The following SLC22A14 variants were observed in gnomAD, a reference collection of about 807,000 sequenced individuals.
SLC22A14 encodes the protein organic cation transporter-like 4.
A neutral mutation model predicts 53.9 loss-of-function variants in SLC22A14; 50 were observed. The ratio of observed to expected loss-of-function variants is 0.93; its 90% CI spans 0.74 to 1.17. The LOEUF (loss-of-function observed/expected upper bound fraction) is 1.17, where lower values mean the gene tolerates loss of function less well. Ranked by LOEUF, SLC22A14 falls within the 50% of genes most tolerant of loss-of-function variation. SLC22A14 has a pLI of 0.00. For missense variants in SLC22A14, 671 were observed against 734.7 expected (o/e 0.91, Z 1.00); for synonymous variants, 312 against 303.0 (o/e 1.03, Z -0.31).
At position 38,313,018 on chromosome 3, in the gene SLC22A14, C is replaced by T. The variant is rs756499375; in HGVS notation, c.964C>T (p.Arg322Trp). The change falls in exon 6 of 11, where the codon CGG becomes TGG. Residue 322 changes from arginine to tryptophan, a missense_variant. By Grantham distance (101) the Arg-to-Trp change is moderately radical (BLOSUM62 -3). Coordinates refer to ENST00000448498, the MANE Select transcript of SLC22A14 (RefSeq NM_001320033.2). ...SYIWILPESP[R>W]WLMMKGKVKE... The stretch of plus-strand genomic sequence containing the variant: ...ACGCAGGATTCTCCCGGAGTCCCCG[C>T]GGTGGCTGATGATGAAAGGGAAGGT... The T allele has an allele frequency of 1.5e-5, 23 of 1,584,632 alleles. No individual in the cohort carries two copies. The highest frequency in any genetic ancestry group is 4.5e-5 in the East Asian group (2 of 43,974).
chr3:38,289,055 C>T (rs1163367141), intron 1 of SLC22A14, among the ~76,000 whole-genome samples: 1 of 151,746 alleles, frequency 6.6e-6, no homozygotes, highest in Non-Finnish European at 1.5e-5. Context: ...TGGCACACAC[C>T]TATAGACATA....
In SLC22A14 at chr3:38,307,997, CCCTTCCA is replaced by C; in HGVS notation, c.775+283_775+289del. On this transcript the variant is annotated intron_variant, in intron 4 of 10. Transcript: ENST00000448498. This position sits in a 1 kb window ranked among gnomAD's most constrained non-coding sequence, Gnocchi z 4.4. ...TGTCAGAGAATCAGTGCCCTGACTG[CCCTTCCA>C]CCTTCATCCTCCTTCCTAACTCCCT... 1 of 497,270 alleles carries C rather than the reference CCCTTCCA, an allele frequency of 2.0e-6. No homozygotes were observed. The highest frequency in any genetic ancestry group is 2.2e-5 in the South Asian group (1 of 45,934). 30.8% of individuals were successfully genotyped at this position (497,270 alleles called of 1,614,324 possible).
chr3:38,292,445 AC>A (rs1160546693), intron 1 of SLC22A14, among the ~76,000 whole-genome samples: 1 of 152,164 alleles, frequency 6.6e-6, no homozygotes, highest in Non-Finnish European at 1.5e-5. Flanking sequence ...GTATAGAGGG[AC>A]AACAGCCTCA....
At chr3:38,310,120 G>A (rs1280846621) in intron 5 of SLC22A14, among the ~76,000 whole-genome samples, 6 of 152,302 alleles carry the variant, frequency 3.9e-5, no homozygotes, top group Middle Eastern at 6.8e-3. Flanking sequence ...GCTCATGCCT[G>A]TAATCCCAAC....
intron 1 of SLC22A14, among the ~76,000 whole-genome samples, chr3:38,299,649 A>G (rs1467727210): frequency 2.6e-5 from 4 of 152,184 alleles, no homozygotes; most frequent in African/African-American, 7.2e-5. Flanking sequence ...GGCAGCTTCA[A>G]TCTCCTGGGC....
chr3:38,284,990 GAC>G (rs1703758605), intron 1 of SLC22A14, among the ~76,000 whole-genome samples: 1 of 152,178 alleles, frequency 6.6e-6, no homozygotes, highest in Non-Finnish European at 1.5e-5. Flanking sequence ...AGGGAAGAAA[GAC>G]AGCCTTCTGC....
At chr3:38,315,262 G>C (rs1043824086) in intron 8 of SLC22A14, among the ~76,000 whole-genome samples, 2 of 152,284 alleles carry the variant, frequency 1.3e-5, no homozygotes, top group Non-Finnish European at 1.5e-5. Flanking sequence ...ATTGGGTGAG[G>C]AGGTGGAACG....
intron 10 of SLC22A14, among the ~76,000 whole-genome samples, chr3:38,317,145 G>A (rs369633583): frequency 5.3e-4 from 81 of 152,336 alleles, no homozygotes; most frequent in African/African-American, 1.8e-3. Context: ...GACCTGAGGG[G>A]ACCTGAGCGC....
At chr3:38,294,586 C>G (rs1161081337) in intron 1 of SLC22A14, among the ~76,000 whole-genome samples, 1 of 151,998 alleles carries the variant, frequency 6.6e-6, no homozygotes, top group African/African-American at 2.4e-5. Flanking sequence ...GCCAGCACCC[C>G]TAGTCATTTT....
chr3:38,282,393 G>A (rs1703688855), intron 1 of SLC22A14, 54 bp downstream of exon 1: 1 of 152,562 alleles, frequency 6.6e-6, no homozygotes, highest in Non-Finnish European at 1.5e-5. Context: ...GGGCCGGGAG[G>A]GTGTGGAGAG....
At position 38,318,384 on chromosome 3, in the gene SLC22A14, C is replaced by A; in HGVS notation, c.*135C>A. 1 of 827,572 alleles carries A rather than the reference C, an allele frequency of 1.2e-6. No individual in the cohort carries two copies. Among genetic ancestry groups the A allele is most frequent in the Non-Finnish European group, 2.1e-6 (1 of 487,504 alleles). 51.3% of individuals were successfully genotyped at this position (827,572 alleles called of 1,614,324 possible). ...GCTCCCTGAGGGCCAGGCCCCCAGACCATCTTGGGTTGGAATTGAGTGGCC... is the reference window on the plus strand; with the variant it reads ...GCTCCCTGAGGGCCAGGCCCCCAGAACATCTTGGGTTGGAATTGAGTGGCC... On this transcript the variant is annotated 3_prime_UTR_variant, in exon 11 of 11. Coordinates refer to ENST00000448498, the MANE Select transcript of SLC22A14 (RefSeq NM_001320033.2).
At chr3:38,315,367 C>A (rs569013536) in intron 8 of SLC22A14, among the ~76,000 whole-genome samples, 191 bp from the exon 9 acceptor site, 6 of 152,312 alleles carry the variant, frequency 3.9e-5, no homozygotes, top group African/African-American at 1.4e-4. Context: ...ACCTCCCCAC[C>A]CCTGCTGACT....
chr3:38,306,217 C>T lies in SLC22A14; in HGVS notation c.191C>T (p.Thr64Ile), dbSNP rs1407328362. Residue 64 changes from threonine (T) to isoleucine (I), a missense_variant, in exon 2 of 11, where the codon ACA becomes ATA. Thr to Ile is a moderately conservative substitution (Grantham distance 89). Coordinates refer to ENST00000448498, the MANE Select transcript of SLC22A14 (RefSeq NM_001320033.2). ...NLLDAVGEFG[T>I]FQQRLVALTF... is the part of the protein sequence containing the mutation. ...CTGGATGCGGTGGGGGAGTTTGGCA[C>T]ATTCCAGCAGAGGCTAGTAGCCCTC... The T allele has an allele frequency of 1.2e-6, 2 of 1,614,036 alleles. No homozygotes were observed. Among genetic ancestry groups the T allele is most frequent in the Admixed American group, 3.3e-5 (2 of 60,006 alleles).
chr3:38,295,306 A>C (rs1351145173), intron 1 of SLC22A14, among the ~76,000 whole-genome samples: 1 of 152,266 alleles, frequency 6.6e-6, no homozygotes, highest in Non-Finnish European at 1.5e-5. Context: ...TTGAGTTAGT[A>C]AGCTACCTTT....
intron 1 of SLC22A14, among the ~76,000 whole-genome samples, chr3:38,302,472 C>T (rs1282327371): frequency 6.6e-6 from 1 of 151,656 alleles, no homozygotes; most frequent in African/African-American, 2.4e-5. Flanking sequence ...ACCTGGGCAA[C>T]ACAACAAGAC....
At position 38,306,475 on chromosome 3, in the gene SLC22A14, A is replaced by G. The variant is rs774359400; in HGVS notation, c.449A>G (p.Asn150Ser). The G allele has an allele frequency of 3.7e-6, 6 of 1,614,188 alleles. No homozygotes were observed. In the East Asian group the frequency reaches 6.7e-5, roughly 18 times the overall value. ...GATTCTATCATCCAGTTTGGCCTCAATGACACAGACACATGCCAAGATGGG... is the reference window on the plus strand; with the variant it reads ...GATTCTATCATCCAGTTTGGCCTCAGTGACACAGACACATGCCAAGATGGG... Reference protein sequence around the residue: ...NLDSIIQFGLNDTDTCQDGWI... With the variant: ...NLDSIIQFGLSDTDTCQDGWI... The change falls in exon 2 of 11, where the codon AAT becomes AGT. Residue 150 changes from asparagine (N) to serine (S), a missense_variant. Transcript: ENST00000448498.
intron 5 of SLC22A14, among the ~76,000 whole-genome samples, chr3:38,311,608 T>C (rs1298396600): frequency 6.7e-6 from 1 of 150,098 alleles, no homozygotes; most frequent in East Asian, 2.0e-4. Context: ...CTCAACACTT[T>C]GCTTAGGGAC....
chr3:38,280,266 T>A (rs1232259224), upstream of SLC22A14, among the ~76,000 whole-genome samples: 2 of 152,192 alleles, frequency 1.3e-5, no homozygotes, highest in African/African-American at 4.8e-5. Flanking sequence ...GGGAGACAGA[T>A]TCAAGCTGGA....
intron 10 of SLC22A14, 50 bp downstream of exon 10, chr3:38,316,574 A>G (rs1704628789): frequency 2.6e-6 from 4 of 1,544,882 alleles, no homozygotes; most frequent in Non-Finnish European, 3.6e-6. Flanking sequence ...CTGGCTCTGA[A>G]GCCTTGGCAC....
Sources: allele counts gnomAD v4.1 joint callset (sites outside exome capture counted in the v4.1 genomes callset), GRCh38; gene constraint gnomAD v4.1.1; non-coding constraint Gnocchi (gnomAD v3.1); transcripts MANE v1.5; gene names NCBI Gene and HGNC (gene_info 2026-07-23, HGNC 2026-07-21).